Variants in MYT1L observed in about 807,000 individuals in gnomAD.
MYT1L encodes myelin transcription factor 1 like.
A neutral mutation model predicts 126.7 loss-of-function variants in MYT1L; 12 were observed. The ratio of observed to expected loss-of-function variants is 0.09; its 90% confidence interval spans 0.06 to 0.15. MYT1L has a LOEUF of 0.15. MYT1L is among the 10% of genes least tolerant of loss of function. MYT1L has a pLI of 1.00. For synonymous variants in MYT1L, 541 were observed against 604.2 expected, an observed-to-expected ratio of 0.90 and a Z score of 1.53; for missense variants, 979 against 1,585.2, an observed-to-expected ratio of 0.62 and a Z score of 6.49.
At chr2:1,996,215 G>C (rs560454487) in intron 5 of MYT1L, among the ~76,000 whole-genome samples, 1 of 152,234 alleles carries the variant, frequency 6.6e-6, no homozygotes, top group Non-Finnish European at 1.5e-5. Flanking sequence ...TTTCTCACAC[G>C]CAGAGAGCAC....
At chr2:1,851,283 A>G (rs2043230399) in intron 19 of MYT1L, among the ~76,000 whole-genome samples, 1 of 152,186 alleles carries the variant, frequency 6.6e-6, no homozygotes, top group Admixed American at 6.5e-5. Context: ...CAGTGGCATT[A>G]GAATGTGTGT....
chr2:2,045,359 C>T (rs1411432457), intron 4 of MYT1L, among the ~76,000 whole-genome samples: 1 of 152,218 alleles, frequency 6.6e-6, no homozygotes, highest in African/African-American at 2.4e-5. Flanking sequence ...GCTGAAACAG[C>T]AAGCCTCCTG....
At chr2:2,062,566 G>A (rs1184994530) in intron 3 of MYT1L, among the ~76,000 whole-genome samples, 1 of 152,110 alleles carries the variant, frequency 6.6e-6, no homozygotes, top group Admixed American at 6.5e-5. Flanking sequence ...TTGGTTTTCT[G>A]TTTCTTTGTT....
chr2:2,209,435 C>T (rs1357496270), intron 2 of MYT1L, among the ~76,000 whole-genome samples: 1 of 151,874 alleles, frequency 6.6e-6, no homozygotes, highest in Non-Finnish European at 1.5e-5. Flanking sequence ...CATCCTTCTA[C>T]TCTATCTCCG....
chr2:2,119,838 T>C (rs1226056902), intron 3 of MYT1L, among the ~76,000 whole-genome samples: 1 of 152,232 alleles, frequency 6.6e-6, no homozygotes, highest in Admixed American at 6.5e-5. Context: ...CTTTTAAACA[T>C]ACTAACTGTA....
chr2:1,871,934 G>A (rs1188468937), intron 18 of MYT1L, among the ~76,000 whole-genome samples: 4 of 152,190 alleles, frequency 2.6e-5, no homozygotes, highest in Non-Finnish European at 5.9e-5. Flanking sequence ...CATGAAACTC[G>A]GAAGCGCCAC....
At chr2:2,292,142 T>C (rs1251561548) in intron 1 of MYT1L, among the ~76,000 whole-genome samples, 2 of 152,102 alleles carry the variant, frequency 1.3e-5, no homozygotes, top group East Asian at 1.9e-4. Flanking sequence ...GCAGGGCAGG[T>C]GAAGGCTCTA....
intron 3 of MYT1L, among the ~76,000 whole-genome samples, chr2:2,148,987 C>T (rs76693730): frequency 1.2e-3 from 189 of 152,280 alleles, no homozygotes; most frequent in African/African-American, 4.3e-3. Flanking sequence ...ACAAGCCTTG[C>T]TCTTATTCCA....
At chr2:2,082,182 A>G (rs192087028) in intron 3 of MYT1L, among the ~76,000 whole-genome samples, 1 of 152,340 alleles carries the variant, frequency 6.6e-6, no homozygotes, top group African/African-American at 2.4e-5. Context: ...ATGTGTGTAT[A>G]GCATAAGACA....
chr2:2,190,387 C>T (rs1222228227), intron 2 of MYT1L, among the ~76,000 whole-genome samples: 1 of 148,108 alleles, frequency 6.8e-6, no homozygotes, highest in African/African-American at 2.5e-5. Context: ...CCTGGGAGGT[C>T]GAGGTTGCAG....
chr2:2,069,842 G>A (rs148421281), intron 3 of MYT1L, among the ~76,000 whole-genome samples: 2,299 of 151,604 alleles, frequency 0.015, 53 homozygotes, highest in African/African-American at 0.053. Context: ...GCTTTTTTTG[G>A]TATGTTTGTT....
chr2:2,141,771 G>C (rs1230797727), intron 3 of MYT1L, among the ~76,000 whole-genome samples: 1 of 152,176 alleles, frequency 6.6e-6, no homozygotes. Context: ...AGAAAGTTGG[G>C]TGCTAGAACG....
At chr2:1,919,131 A>G (rs2053231674) in intron 10 of MYT1L, among the ~76,000 whole-genome samples, 2 of 152,182 alleles carry the variant, frequency 1.3e-5, no homozygotes, top group African/African-American at 4.8e-5. Flanking sequence ...ACCTAACAAA[A>G]TATATGACTT....
chr2:1,927,312 A>AT (rs1249322206), intron 9 of MYT1L, among the ~76,000 whole-genome samples: 1 of 152,242 alleles, frequency 6.6e-6, no homozygotes, highest in Non-Finnish European at 1.5e-5. Context: ...CAACACCTCC[A>AT]TGAGTGAGAT....
intron 21 of MYT1L, among the ~76,000 whole-genome samples, chr2:1,823,708 C>T (rs923979493): frequency 4.6e-5 from 7 of 152,208 alleles, no homozygotes; most frequent in Admixed American, 1.3e-4. Flanking sequence ...ATGTTCAGCC[C>T]TGCAGGTGGG....
intron 2 of MYT1L, among the ~76,000 whole-genome samples, chr2:2,211,803 CAAAA>C (rs35770675): frequency 3.3e-5 from 2 of 59,738 alleles, no homozygotes; most frequent in Non-Finnish European, 3.4e-5. Flanking sequence ...GACTCCATGT[CAAAA>C]AAAAAAAAAA....
chr2:2,057,002 C>T (rs1198912841), intron 3 of MYT1L, among the ~76,000 whole-genome samples: 1 of 152,118 alleles, frequency 6.6e-6, no homozygotes, highest in African/African-American at 2.4e-5. Flanking sequence ...ATACAGAGAT[C>T]CCATGCACCC....
chr2:2,246,503 T>A (rs932689160), intron 2 of MYT1L, among the ~76,000 whole-genome samples: 1 of 152,182 alleles, frequency 6.6e-6, no homozygotes, highest in Non-Finnish European at 1.5e-5. Context: ...AGAAAGCTCA[T>A]CAGCATGAGA....
At chr2:2,321,966 C>G (rs370650660) in intron 1 of MYT1L, among the ~76,000 whole-genome samples, 18 of 152,124 alleles carry the variant, frequency 1.2e-4, no homozygotes, top group African/African-American at 4.1e-4. Context: ...GGCACACATA[C>G]TAACCCTATG....
Sources: gnomAD v4.1 joint callset for allele counts (sites outside exome capture counted in the v4.1 genomes callset) on GRCh38, gnomAD v4.1.1 for gene constraint, MANE v1.5 for transcripts, NCBI Gene and HGNC (gene_info 2026-07-23, HGNC 2026-07-21) for gene names.